The following MTMR7 variants were observed in gnomAD, a reference collection of about 807,000 sequenced individuals.
MTMR7 encodes the protein phosphatidylinositol-3-phosphate phosphatase MTMR7.
In MTMR7, 76 loss-of-function variants were observed where a neutral mutation model predicts 81.2. The observed-to-expected ratio is 0.94, with a 90% CI of 0.78 to 1.13. The LOEUF is 1.13. Ranked by LOEUF, MTMR7 falls within the 50% of genes most tolerant of loss-of-function variation. The pLI is 0.00. For missense variants in MTMR7, 1,044 were observed against 820.0 expected (o/e 1.27, Z -3.34); for synonymous variants, 372 against 289.8 (o/e 1.28, Z -2.88).
At chr8:17,381,026 T>C (rs1344133744) in intron 1 of MTMR7, among the ~76,000 whole-genome samples, 1 of 152,118 alleles carries the variant, frequency 6.6e-6, no homozygotes, top group African/African-American at 2.4e-5. Flanking sequence ...AAACATCTAA[T>C]TCCATTCAAA....
intron 4 of MTMR7, among the ~76,000 whole-genome samples, chr8:17,356,280 A>G (rs558248138): frequency 2.6e-5 from 4 of 152,204 alleles, no homozygotes; most frequent in Non-Finnish European, 5.9e-5. Context: ...ATACGGATAG[A>G]GCAAAAATTA....
intron 1 of MTMR7, among the ~76,000 whole-genome samples, chr8:17,396,192 C>T (rs112888252): frequency 0.013 from 1,981 of 151,776 alleles, 11 homozygotes; most frequent in Non-Finnish European, 0.022. Context: ...GAAGCCTCCA[C>T]AGATCATCCT....
Position 17,297,865 on chromosome 8 carries a change from CAT to C in MTMR7, c.*1995_*1996del, listed in dbSNP as rs1491206138. On this transcript the variant is annotated 3_prime_UTR_variant, in exon 14 of 14. Coordinates refer to ENST00000180173, the MANE Select transcript of MTMR7 (RefSeq NM_004686.5). ...GGTTAACTTCTAATAAGCAGACGAA[CAT>C]GTTACATAAATTATAATGTCTGTCT... is the stretch of plus-strand genomic sequence containing the variant. The C allele has an allele frequency of 1.3e-5, 2 of 151,892 alleles. No individual in the cohort carries two copies. Among genetic ancestry groups the C allele is most frequent in the Non-Finnish European group, 1.5e-5 (1 of 67,896 alleles). 9.4% of individuals were successfully genotyped at this position (151,892 alleles called of 1,614,324 possible).
intron 1 of MTMR7, among the ~76,000 whole-genome samples, chr8:17,385,653 T>C (rs529794033): frequency 2.6e-5 from 4 of 152,184 alleles, no homozygotes; most frequent in African/African-American, 7.2e-5. Flanking sequence ...CACACTAATA[T>C]AGTACTGTCC....
chr8:17,302,895 G>C (rs1407295393), intron 12 of MTMR7, among the ~76,000 whole-genome samples: 1 of 151,592 alleles, frequency 6.6e-6, no homozygotes, highest in African/African-American at 2.4e-5. Context: ...TTTTTTAGTA[G>C]AGACAGGGTT....
intron 1 of MTMR7, among the ~76,000 whole-genome samples, chr8:17,388,099 C>T (rs78490715): frequency 0.019 from 2,862 of 152,240 alleles, 50 homozygotes; most frequent in Middle Eastern, 0.031. Context: ...AAATTACAAA[C>T]ATTATGCCAG....
At position 17,412,800 on chromosome 8, in the gene MTMR7, G is replaced by A. The variant is rs117072700; in HGVS notation, c.24+469C>T. ...GGATGCTGACTGGGAAGGCCGAGCCGGGTGGGCCTGACACCCTAGATTTAA... is the reference window on the plus strand; with the variant it reads ...GGATGCTGACTGGGAAGGCCGAGCCAGGTGGGCCTGACACCCTAGATTTAA... On this transcript the variant is annotated intron_variant, in intron 1 of 13. Coordinates refer to ENST00000180173, the MANE Select transcript of MTMR7 (RefSeq NM_004686.5). Among the ~76,000 whole-genome samples the A allele has an allele frequency of 1.3e-3, 199 of 152,274 alleles. 3 individuals are homozygous for A. In the East Asian group the frequency reaches 0.023, roughly 17 times the overall value.
chr8:17,325,377 C>A (rs570933402), intron 7 of MTMR7, among the ~76,000 whole-genome samples: 115 of 152,326 alleles, frequency 7.5e-4, no homozygotes, highest in African/African-American at 2.5e-3. Flanking sequence ...AAAACCTTTG[C>A]GTGGAAGAAC....
At chr8:17,354,694 A>G (rs1819832286) in intron 4 of MTMR7, among the ~76,000 whole-genome samples, 1 of 152,222 alleles carries the variant, frequency 6.6e-6, no homozygotes, top group Non-Finnish European at 1.5e-5. Flanking sequence ...GTGAGAAGAA[A>G]TAAGATAAGT....
chr8:17,404,961 G>T (rs1293196506), intron 1 of MTMR7, among the ~76,000 whole-genome samples: 1 of 152,166 alleles, frequency 6.6e-6, no homozygotes, highest in Non-Finnish European at 1.5e-5. Context: ...GAGTAGCTAG[G>T]ATTACAAGCA....
chr8:17,404,057 T>G (rs1166602871), intron 1 of MTMR7, among the ~76,000 whole-genome samples: 1 of 152,208 alleles, frequency 6.6e-6, no homozygotes, highest in Non-Finnish European at 1.5e-5. Context: ...TTAGATGCTT[T>G]CTGTGTGAGG....
intron 1 of MTMR7, among the ~76,000 whole-genome samples, chr8:17,399,578 C>A (rs1821360926): frequency 6.6e-6 from 1 of 152,054 alleles, no homozygotes; most frequent in Non-Finnish European, 1.5e-5. Context: ...AAATTCAATA[C>A]AATCCCTATC....
intron 5 of MTMR7, among the ~76,000 whole-genome samples, chr8:17,342,671 G>A (rs1413738054): frequency 2.0e-5 from 3 of 152,102 alleles, no homozygotes; most frequent in Admixed American, 6.6e-5. Context: ...CATATTACAG[G>A]GGCCATTGTC....
chr8:17,325,701 G>C (rs1818646921), intron 7 of MTMR7, among the ~76,000 whole-genome samples: 1 of 152,198 alleles, frequency 6.6e-6, no homozygotes, highest in African/African-American at 2.4e-5. Flanking sequence ...CCTATGTCTT[G>C]TTTATTAAAT....
rs141867103 is a variant in MTMR7 at position 17,349,024 on chromosome 8, T to C, written c.526A>G (p.Ile176Val). 8 of 1,612,930 alleles carry C rather than the reference T, an allele frequency of 5.0e-6. No homozygotes were observed. Among genetic ancestry groups the C allele is most frequent in the Non-Finnish European group, 5.9e-6 (7 of 1,179,876 alleles). ...CTCCGGAATTTGGAACTCCCCACTA[T>C]GATGTGTGCCGTGGCCGATTTGGGA... ...YVPKSATAHI[I>V]VGSSKFRSRR... The change falls in exon 5 of 14, where the codon ATA becomes GTA. Residue 176 changes from isoleucine to valine, a missense_variant. Physicochemically the swap from Ile to Val is conservative, Grantham distance 29. Coordinates refer to ENST00000180173, the MANE Select transcript of MTMR7 (RefSeq NM_004686.5).
At chr8:17,306,927 T>TA (rs11310836) in intron 10 of MTMR7, among the ~76,000 whole-genome samples, 1 of 152,104 alleles carries the variant, frequency 6.6e-6, no homozygotes, top group Non-Finnish European at 1.5e-5. Flanking sequence ...CCTAAAACTA[T>TA]AAAAAACCCT....
At chr8:17,406,391 G>A (rs73211149) in intron 1 of MTMR7, among the ~76,000 whole-genome samples, 6,689 of 152,188 alleles carry the variant, frequency 0.044, 226 homozygotes, top group Non-Finnish European at 0.066. Flanking sequence ...ACGAAAACAT[G>A]CTCAATATCA....
chr8:17,381,335 G>A (rs974450915), intron 1 of MTMR7, among the ~76,000 whole-genome samples: 5 of 152,078 alleles, frequency 3.3e-5, no homozygotes, highest in African/African-American at 1.2e-4. Context: ...GTCCTCCTTG[G>A]CCTTCCCTTC....
Position 17,373,212 on chromosome 8 carries a change from A to G in MTMR7, c.53T>C (p.Val18Ala). ...KVENVRLVDR[V>A]SPKKAALGTL... ...ACCTAGAGCTGCTTTTTTAGGAGAC[A>G]CTCGATCTACCAAGCGGACATTTTC... Residue 18 changes from valine (V) to alanine (A), a missense_variant, in exon 2 of 14, where the codon GTG becomes GCG. Physicochemically the swap from Val to Ala is moderately conservative, Grantham distance 64 (BLOSUM62 0). Coordinates refer to ENST00000180173, the MANE Select transcript of MTMR7 (RefSeq NM_004686.5). 6.2e-7 allele frequency: 1 copy of G among 1,613,412 alleles called. No homozygotes were observed. The highest frequency in any genetic ancestry group is 8.5e-7 in the Non-Finnish European group (1 of 1,179,678).
Sources: gnomAD v4.1 joint callset for allele counts (sites outside exome capture counted in the v4.1 genomes callset) on GRCh38, gnomAD v4.1.1 for gene constraint, MANE v1.5 for transcripts, NCBI Gene and HGNC (gene_info 2026-07-23, HGNC 2026-07-21) for gene names.